The following TTC7A variants were observed in gnomAD, a reference collection of about 807,000 sequenced individuals.
TTC7A encodes tetratricopeptide repeat protein 7A.
A neutral mutation model predicts 103.7 loss-of-function variants in TTC7A; 110 were observed. The ratio of observed to expected loss-of-function variants is 1.06; its 90% CI spans 0.91 to 1.24. The LOEUF (loss-of-function observed/expected upper bound fraction) is 1.24, where lower values mean the gene tolerates loss of function less well. TTC7A is among the 50% of genes most tolerant of loss of function. TTC7A has a pLI of 0.00. For synonymous variants in TTC7A, 521 were observed against 467.9 expected, an observed-to-expected ratio of 1.11 and a Z score of -1.47; for missense variants, 1,340 against 1,116.3, an observed-to-expected ratio of 1.20 and a Z score of -2.86.
At chr2:47,053,543 T>TTTGG (rs35563040) in intron 18 of TTC7A, among the ~76,000 whole-genome samples, 35,999 of 139,954 alleles carry the variant, frequency 0.26, 5,439 homozygotes, top group Non-Finnish European at 0.34. Flanking sequence ...TGTTTGTTTG[T>TTTGG]TTGGTTGGTT....
upstream of TTC7A, among the ~76,000 whole-genome samples, chr2:46,938,484 T>C (rs1401716486): frequency 6.6e-6 from 1 of 152,176 alleles, no homozygotes; most frequent in African/African-American, 2.4e-5. Flanking sequence ...CACTATACTT[T>C]AATAACTTAA....
intron 2 of TTC7A, among the ~76,000 whole-genome samples, chr2:46,953,671 G>A (rs2103991067): frequency 6.6e-6 from 1 of 152,286 alleles, no homozygotes. Flanking sequence ...GTCCAGCTCA[G>A]TTGTGTGGAG....
At chr2:46,928,443 T>G (rs1572645673) in intron 2 of TTC7A, among the ~76,000 whole-genome samples, 6 of 122,498 alleles carry the variant, frequency 4.9e-5, no homozygotes, top group African/African-American at 6.4e-5. Context: ...CAAGCTCAGG[T>G]GGTGGAAAGG....
chr2:46,926,724 C>T lies in TTC7A; in HGVS notation c.82+9447C>T, dbSNP rs138004560. 6.4e-3 allele frequency among the ~76,000 whole-genome samples: 976 copies of T among 152,320 alleles called. 7 individuals carry two copies. The highest frequency in any genetic ancestry group is 0.022 in the African/African-American group (923 of 41,566). The stretch of plus-strand genomic sequence containing the variant: ...ATAATTTTTCAAATGCAATGTCCTA[C>T]ACAATTAAAGACAACTAGACATGAG... On this transcript the variant is annotated intron_variant, in intron 2 of 20. Coordinates refer to the TTC7A transcript ENST00000409245.
intron 19 of TTC7A, among the ~76,000 whole-genome samples, chr2:47,064,335 G>C (rs1444930193): frequency 6.6e-6 from 1 of 152,256 alleles, no homozygotes; most frequent in Non-Finnish European, 1.5e-5. Context: ...CAGTCTGCCA[G>C]TGTGGTCCCA....
chr2:47,016,085 T>C lies in TTC7A; in HGVS notation c.1392+4650T>C, dbSNP rs573961806. 9.9e-5 allele frequency among the ~76,000 whole-genome samples: 15 copies of C among 152,232 alleles called. No homozygotes were observed. The South Asian group carries it at 3.1e-3, about 32-fold the overall frequency. On this transcript the variant is annotated intron_variant, in intron 11 of 19. Transcript: ENST00000319190. Reference sequence around the variant, plus strand: ...GGCTCACTGCAAGGTGAGGTAACCCTTGAAATGGAAGGCAGTCCTGGGCAT... The same window carrying C: ...GGCTCACTGCAAGGTGAGGTAACCCCTGAAATGGAAGGCAGTCCTGGGCAT...
At chr2:46,982,191 A>G (rs1674535113) in intron 5 of TTC7A, among the ~76,000 whole-genome samples, 1 of 151,790 alleles carries the variant, frequency 6.6e-6, no homozygotes. Context: ...TGGGCAACAT[A>G]GGGAGACTTT....
intron 5 of TTC7A, among the ~76,000 whole-genome samples, chr2:46,988,362 A>G (rs1275613749): frequency 2.0e-5 from 3 of 152,124 alleles, no homozygotes. Context: ...TTTGATGACC[A>G]TTTGAACTTC....
intron 11 of TTC7A, among the ~76,000 whole-genome samples, chr2:47,019,744 CAGA>C (rs1212559501): frequency 6.6e-6 from 1 of 152,004 alleles, no homozygotes; most frequent in African/African-American, 2.4e-5. Context: ...ATTTGCTGAG[CAGA>C]AGGACATGGC....
intron 16 of TTC7A, chr2:47,047,387 A>C (rs1682433321): frequency 4.8e-6 from 6 of 1,248,142 alleles, no homozygotes; most frequent in Non-Finnish European, 6.9e-6. Context: ...CTCACTTTTC[A>C]GGCCTGGGAG....
At chr2:47,022,013 G>A (rs1183155406) in intron 12 of TTC7A, 34 bp downstream of exon 12, 3 of 1,523,630 alleles carry the variant, frequency 2.0e-6, no homozygotes, top group Non-Finnish European at 2.7e-6. Context: ...CTCTACTTGG[G>A]GATGGCTCAG....
chr2:46,990,581 A>G (rs1192454086), intron 5 of TTC7A, among the ~76,000 whole-genome samples: 1 of 152,216 alleles, frequency 6.6e-6, no homozygotes, highest in Admixed American at 6.5e-5. Flanking sequence ...TTAGAAGGAG[A>G]AAGGAAGAGA....
chr2:46,957,018 G>T lies in TTC7A; in HGVS notation c.517+11G>T. On this transcript the variant is annotated intron_variant, in intron 3 of 19. Transcript: ENST00000319190. ...CTTTTGTCATCAAAGGTAGCTGTGG[G>T]CACCAGCCTGGGCTCCCCTCCACTG... 7.4e-6 allele frequency: 12 copies of T among 1,614,020 alleles called. No individual in the cohort carries two copies. The highest frequency in any genetic ancestry group is 1.0e-5 in the Non-Finnish European group (12 of 1,179,930).
chr2:46,929,210 A>G (rs952589921), intron 2 of TTC7A, among the ~76,000 whole-genome samples: 2 of 152,094 alleles, frequency 1.3e-5, no homozygotes, highest in African/African-American at 4.8e-5. Context: ...TAGGCTGGGT[A>G]CAGTGGCTCA....
intron 1 of TTC7A, among the ~76,000 whole-genome samples, chr2:46,948,648 C>G (rs1221192101): frequency 1.3e-5 from 2 of 152,084 alleles, no homozygotes; most frequent in South Asian, 4.1e-4. Context: ...TTTCTAAAGA[C>G]GAGGTCTCCC....
intron 18 of TTC7A, among the ~76,000 whole-genome samples, chr2:47,056,411 C>G: frequency 6.6e-6 from 1 of 152,224 alleles, no homozygotes; most frequent in East Asian, 1.9e-4. Flanking sequence ...AGGAAGCACA[C>G]TCACCTGGAG....
At chr2:47,034,542 G>T (rs1049342735) in intron 15 of TTC7A, among the ~76,000 whole-genome samples, 16 of 152,156 alleles carry the variant, frequency 1.1e-4, no homozygotes, top group African/African-American at 3.6e-4. Flanking sequence ...TAGTCAGGCC[G>T]CTTGTAGTGA....
intron 12 of TTC7A, among the ~76,000 whole-genome samples, chr2:47,023,017 T>C (rs1221504652): frequency 6.6e-6 from 1 of 152,216 alleles, no homozygotes; most frequent in East Asian, 1.9e-4. Context: ...GGATGCAGTT[T>C]ACCAGAAAGG....
chr2:47,045,473 TCTC>T (rs1477738222), intron 15 of TTC7A: 1 of 152,236 alleles, frequency 6.6e-6, no homozygotes, highest in Non-Finnish European at 1.5e-5. Flanking sequence ...CAGCTCTTCT[TCTC>T]AACCATTCTA....
Sources: gnomAD v4.1 joint callset for allele counts (sites outside exome capture counted in the v4.1 genomes callset) on GRCh38, gnomAD v4.1.1 for gene constraint, MANE v1.5 for transcripts, NCBI Gene and HGNC (gene_info 2026-07-23, HGNC 2026-07-21) for gene names.